AGBL4: variants seen among roughly 807,000 people sequenced by gnomAD.
The protein encoded by AGBL4 is AGBL carboxypeptidase 4.
In AGBL4, 58 loss-of-function variants were observed where a neutral mutation model predicts 66.4. That is an observed-to-expected ratio of 0.87 (90% CI 0.71 to 1.09). AGBL4 has a LOEUF of 1.09. Ranked by LOEUF, AGBL4 falls within the 50% of genes least tolerant of loss-of-function variation. AGBL4 has a pLI of 0.00. For missense variants in AGBL4, 579 were observed against 631.0 expected (o/e 0.92, Z 0.88); for synonymous variants, 234 against 222.9 (o/e 1.05, Z -0.44).
At chr1:48,917,147 G>A (rs1653654833) in intron 5 of AGBL4, among the ~76,000 whole-genome samples, 1 of 151,994 alleles carries the variant, frequency 6.6e-6, no homozygotes, top group South Asian at 2.1e-4. Context: ...ATATTACCCA[G>A]TATAATCCAG....
intron 1 of AGBL4, among the ~76,000 whole-genome samples, chr1:49,951,457 C>A (rs1452893064): frequency 6.6e-6 from 1 of 151,926 alleles, no homozygotes; most frequent in Non-Finnish European, 1.5e-5. Context: ...TAGCCTTACA[C>A]AGAAAACACT....
At chr1:49,361,887 C>T (rs1644143986) in intron 3 of AGBL4, among the ~76,000 whole-genome samples, 1 of 152,072 alleles carries the variant, frequency 6.6e-6, no homozygotes, top group African/African-American at 2.4e-5. Flanking sequence ...CCCATTGAGC[C>T]CGATTCCCAT....
At chr1:48,827,936 C>T (rs1646463600) in intron 6 of AGBL4, among the ~76,000 whole-genome samples, 1 of 150,916 alleles carries the variant, frequency 6.6e-6, no homozygotes, top group Admixed American at 6.6e-5. Flanking sequence ...GGGCAGATCA[C>T]GAGGTCAGGA....
At chr1:48,937,408 C>T (rs1207348039) in intron 5 of AGBL4, among the ~76,000 whole-genome samples, 2 of 152,084 alleles carry the variant, frequency 1.3e-5, no homozygotes, top group African/African-American at 4.8e-5. Context: ...CATTATTAGT[C>T]AGTTTCATAG....
chr1:49,056,334 A>G (rs545546168), intron 4 of AGBL4, among the ~76,000 whole-genome samples: 1 of 152,108 alleles, frequency 6.6e-6, no homozygotes, highest in African/African-American at 2.4e-5. Context: ...ATCAATGTAT[A>G]ATATAGTATA....
intron 6 of AGBL4, among the ~76,000 whole-genome samples, chr1:48,698,056 G>A (rs1371258701): frequency 6.6e-6 from 1 of 152,196 alleles, no homozygotes; most frequent in African/African-American, 2.4e-5. Flanking sequence ...GACTGAGCCT[G>A]GAATAGCCCA....
chr1:49,588,297 C>T (rs899626089), intron 3 of AGBL4, among the ~76,000 whole-genome samples: 5 of 152,166 alleles, frequency 3.3e-5, no homozygotes, highest in African/African-American at 1.2e-4. Context: ...ACCTCTGTGA[C>T]ACTGCAGTGT....
intron 1 of AGBL4, among the ~76,000 whole-genome samples, chr1:49,916,824 C>A (rs1158035722): frequency 1.3e-5 from 2 of 152,136 alleles, no homozygotes; most frequent in African/African-American, 4.8e-5. Flanking sequence ...ATGTTAAGGG[C>A]AGCCAGAGAG....
chr1:48,755,756 C>T (rs187820985), intron 6 of AGBL4, among the ~76,000 whole-genome samples: 13 of 152,184 alleles, frequency 8.5e-5, no homozygotes, highest in African/African-American at 2.4e-4. Context: ...TGGCACTCTG[C>T]GTTTTAATAA....
intron 4 of AGBL4, among the ~76,000 whole-genome samples, chr1:49,213,923 G>C (rs1648872422): frequency 1.3e-5 from 2 of 152,192 alleles, no homozygotes; most frequent in South Asian, 2.1e-4. Context: ...GACAGTTCCT[G>C]TGGCCCCCCA....
At chr1:49,267,666 C>T (rs1039876840) in intron 3 of AGBL4, among the ~76,000 whole-genome samples, 5 of 151,038 alleles carry the variant, frequency 3.3e-5, no homozygotes, top group African/African-American at 9.8e-5. Flanking sequence ...GGCAACGGAG[C>T]GAGACTCTGT....
chr1:48,688,463 A>C (rs914013397), intron 6 of AGBL4, among the ~76,000 whole-genome samples: 1 of 152,120 alleles, frequency 6.6e-6, no homozygotes, highest in Non-Finnish European at 1.5e-5. Flanking sequence ...TTAAGGCTTA[A>C]CTCTTGTTCC....
intron 3 of AGBL4, among the ~76,000 whole-genome samples, chr1:49,489,787 T>C (rs1280899293): frequency 6.6e-6 from 1 of 151,536 alleles, no homozygotes; most frequent in Admixed American, 6.6e-5. Flanking sequence ...ATTGAAGAGA[T>C]TGTCCTTTCC....
chr1:49,787,064 C>T (rs567254967), intron 2 of AGBL4, among the ~76,000 whole-genome samples: 3 of 152,278 alleles, frequency 2.0e-5, no homozygotes, highest in Admixed American at 2.0e-4. Context: ...TCCCTAAGTC[C>T]CCCCTGTAAC....
At chr1:49,075,719 C>G (rs1464123840) in intron 4 of AGBL4, among the ~76,000 whole-genome samples, 1 of 152,196 alleles carries the variant, frequency 6.6e-6, no homozygotes, top group Admixed American at 6.5e-5. Context: ...TGTGTTTCCT[C>G]AGGCAGGCTT....
At chr1:49,676,250 A>G (rs1646576219) in intron 3 of AGBL4, among the ~76,000 whole-genome samples, 2 of 152,038 alleles carry the variant, frequency 1.3e-5, no homozygotes, top group African/African-American at 2.4e-5. Context: ...CAATGTTTCC[A>G]TTAAGATAGT....
intron 3 of AGBL4, among the ~76,000 whole-genome samples, chr1:49,432,110 T>C (rs1298693398): frequency 6.6e-6 from 1 of 152,148 alleles, no homozygotes. Flanking sequence ...CCCTCCGTGA[T>C]TTAGCAGGAG....
At chr1:49,403,949 T>C (rs147947881) in intron 3 of AGBL4, among the ~76,000 whole-genome samples, 308 of 152,296 alleles carry the variant, frequency 2.0e-3, no homozygotes, top group African/African-American at 7.2e-3. Context: ...CTCTTCTATC[T>C]GAGTCACTCT....
intron 3 of AGBL4, among the ~76,000 whole-genome samples, chr1:49,443,407 T>G (rs2148671492): frequency 6.6e-6 from 1 of 152,204 alleles, no homozygotes; most frequent in East Asian, 1.9e-4. Context: ...CAGATCTTAC[T>G]TTTAAGTCTT....
Sources: allele counts gnomAD v4.1 joint callset (sites outside exome capture counted in the v4.1 genomes callset), GRCh38; gene constraint gnomAD v4.1.1; transcripts MANE v1.5; gene names NCBI Gene and HGNC (gene_info 2026-07-23, HGNC 2026-07-21).